The following LAMA1 variants were observed in gnomAD, a reference collection of about 807,000 sequenced individuals.
LAMA1 encodes laminin subunit alpha-1.
LAMA1 carries 219 observed loss-of-function variants against 348.7 expected under a neutral mutation model. The ratio of observed to expected loss-of-function variants is 0.63; its 90% CI spans 0.56 to 0.70. The LOEUF (loss-of-function observed/expected upper bound fraction) is 0.70, where lower values mean the gene tolerates loss of function less well. LAMA1 is among the 30% of genes least tolerant of loss of function. The probability of loss-of-function intolerance (pLI) is 0.00; values close to 1 mark genes in which losing one functional copy is unlikely to be tolerated. For missense variants in LAMA1, 3,744 were observed against 3,888.0 expected (o/e 0.96, Z 0.99); for synonymous variants, 1,487 against 1,491.0 (o/e 1.00, Z 0.06).
At chr18:6,950,706 T>G in intron 58 of LAMA1, 76 bp downstream of exon 58, 237 of 1,516,754 alleles carry the variant, frequency 1.6e-4, no homozygotes, top group Middle Eastern at 2.2e-4. Flanking sequence ...AATGTGCCTT[T>G]GAGAAATGGA....
chr18:6,943,078 A>C, intron 62 of LAMA1, 102 bp downstream of exon 62: 2 of 1,000,504 alleles, frequency 2.0e-6, no homozygotes, highest in Non-Finnish European at 3.1e-6. Context: ...TTGTCACCCA[A>C]ACCATGTACC....
chr18:7,106,969 G>GC (rs2058314354), intron 1 of LAMA1, among the ~76,000 whole-genome samples: 1 of 151,920 alleles, frequency 6.6e-6, no homozygotes, highest in African/African-American at 2.4e-5. Flanking sequence ...GCACGCCTCT[G>GC]CCCCTCCTCC....
intron 9 of LAMA1, among the ~76,000 whole-genome samples, 179 bp from the exon 10 acceptor site, chr18:7,040,415 A>G (rs1440445305): frequency 6.6e-6 from 1 of 152,226 alleles, no homozygotes; most frequent in Non-Finnish European, 1.5e-5. Context: ...TAGAGAATAC[A>G]CAGGCAAATG....
At chr18:7,097,683 T>C (rs967226245) in intron 1 of LAMA1, among the ~76,000 whole-genome samples, 6 of 152,210 alleles carry the variant, frequency 3.9e-5, no homozygotes, top group Non-Finnish European at 2.9e-5. Flanking sequence ...AACAGATGCA[T>C]AGATCAATAG....
At chr18:7,003,338 C>T (rs2057816768) in intron 29 of LAMA1, among the ~76,000 whole-genome samples, 2 of 151,712 alleles carry the variant, frequency 1.3e-5, no homozygotes. Context: ...GTGAGCTCCA[C>T]CTCCCGGGTT....
At chr18:7,005,077 G>A (rs2057826045) in intron 29 of LAMA1, among the ~76,000 whole-genome samples, 3 of 152,174 alleles carry the variant, frequency 2.0e-5, no homozygotes, top group Non-Finnish European at 4.4e-5. Context: ...GACAGACAGT[G>A]ACATGCACAC....
chr18:6,974,977 G>A lies in LAMA1; in HGVS notation c.6549C>T (p.Gly2183=). The A allele has an allele frequency of 1.9e-6, 3 of 1,613,932 alleles. No individual in the cohort carries two copies. The highest frequency in any genetic ancestry group is 1.1e-5 in the South Asian group (1 of 91,076). The part of the protein sequence containing the change: ...RGRVAFLWDL[G]SGSTRLEFPD... ...GAAACTCCAAGCGTGTGGACCCGGA[G>A]CCCAGGTCCCACAGGAAGGCCACTC... Residue 2183 remains glycine, a synonymous_variant, in exon 46 of 63, where the codon GGC becomes GGT. Transcript: ENST00000389658.
chr18:7,078,181 T>A (rs554573024), intron 3 of LAMA1, among the ~76,000 whole-genome samples: 13 of 130,790 alleles, frequency 9.9e-5, no homozygotes, highest in South Asian at 5.3e-4. Context: ...ATTTTATTTT[T>A]TTTGAGACAG....
intron 55 of LAMA1, among the ~76,000 whole-genome samples, chr18:6,958,003 A>C (rs1259461157): frequency 6.6e-6 from 1 of 152,110 alleles, no homozygotes; most frequent in Non-Finnish European, 1.5e-5. Context: ...GCTGGTCTCA[A>C]ACTCCTGACC....
At chr18:7,108,942 C>A (rs2058325133) in intron 1 of LAMA1, among the ~76,000 whole-genome samples, 1 of 151,300 alleles carries the variant, frequency 6.6e-6, no homozygotes, top group South Asian at 2.1e-4. Flanking sequence ...GACACAGCAG[C>A]AAGGACAGAA....
chr18:6,995,313 G>C, intron 34 of LAMA1, 44 bp downstream of exon 34: 2 of 1,342,894 alleles, frequency 1.5e-6, no homozygotes, highest in Non-Finnish European at 2.1e-6. Context: ...AGGGCTGATG[G>C]GAGGGACCAG....
intron 30 of LAMA1, among the ~76,000 whole-genome samples, chr18:7,001,876 C>A (rs901265433): frequency 2.0e-5 from 3 of 152,130 alleles, no homozygotes; most frequent in Admixed American, 2.0e-4. Flanking sequence ...TAAACTCTAA[C>A]CCCATTCCCT....
intron 1 of LAMA1, among the ~76,000 whole-genome samples, chr18:7,107,121 CTTTTT>C (rs34984235): frequency 7.3e-6 from 1 of 137,104 alleles, no homozygotes; most frequent in Non-Finnish European, 1.5e-5. Context: ...GAGAAAACTC[CTTTTT>C]TTTTTTTTTT....
At chr18:7,110,640 G>A (rs978248543) in intron 1 of LAMA1, among the ~76,000 whole-genome samples, 4 of 152,040 alleles carry the variant, frequency 2.6e-5, no homozygotes, top group Admixed American at 6.6e-5. Flanking sequence ...TGGCCAACAC[G>A]GCAAAACCCC....
At chr18:6,951,761 C>G (rs955502849) in intron 57 of LAMA1, among the ~76,000 whole-genome samples, 1 of 152,112 alleles carries the variant, frequency 6.6e-6, no homozygotes, top group African/African-American at 2.4e-5. Flanking sequence ...AGAACAGATT[C>G]AGGAAACGTT....
Position 6,992,681 on chromosome 18 carries a change from T to C in LAMA1, c.5048A>G (p.Glu1683Gly), listed in dbSNP as rs577205301. 81 of 1,613,580 alleles carry C rather than the reference T, an allele frequency of 5.0e-5. No individual in the cohort carries two copies. Among genetic ancestry groups the C allele is most frequent in the Middle Eastern group, 1.7e-4 (1 of 6,060 alleles). The change falls in exon 36 of 63, where the codon GAA (glutamate) becomes GGA (glycine). Residue 1683 changes from glutamate (E) to glycine (G), a missense_variant. Transcript: ENST00000389658. ...AGTAGAATTGGGTAGTAGGAAATCT[T>C]CATCCAAAGTCTGATTTAAAGTTGT... ...EKTTLNQTLD[E>G]DFLLPNSTLQ...
chr18:6,982,018 GA>G (rs1366677056), intron 41 of LAMA1, among the ~76,000 whole-genome samples: 1 of 151,970 alleles, frequency 6.6e-6, no homozygotes, highest in Non-Finnish European at 1.5e-5. Flanking sequence ...GGTATTTTTT[GA>G]AAAATGGCTA....
chr18:6,958,372 C>A, intron 55 of LAMA1, 105 bp downstream of exon 55: 3 of 1,302,646 alleles, frequency 2.3e-6, no homozygotes, highest in South Asian at 1.2e-5. Flanking sequence ...TGGGAATTTG[C>A]AAAGTTTTCA....
rs778095278 is a variant in LAMA1, at chr18:6,973,229, A to G, written c.6624-22T>C. ...AAATCTAAGGGTTACAAAGAATTGC[A>G]AAAGAAATTTTCAGAATTTCCAGTC... On this transcript the variant is annotated intron_variant, in intron 46 of 62. Transcript: ENST00000389658. 3 of 1,612,994 alleles carry G rather than the reference A, an allele frequency of 1.9e-6. No individual in the cohort carries two copies. The South Asian group carries it at 3.3e-5, about 18-fold the overall frequency.
Sources: allele counts gnomAD v4.1 joint callset (sites outside exome capture counted in the v4.1 genomes callset), GRCh38; gene constraint gnomAD v4.1.1; transcripts MANE v1.5; gene names NCBI Gene and HGNC (gene_info 2026-07-23, HGNC 2026-07-21).